The following SLC20A2 variants were observed in gnomAD, a reference collection of about 807,000 sequenced individuals.
The protein encoded by SLC20A2 is solute carrier family 20 member 2, also known as sodium-dependent phosphate transporter 2.
A neutral mutation model predicts 61.0 loss-of-function variants in SLC20A2; 30 were observed. The ratio of observed to expected loss-of-function variants is 0.49; its 90% CI spans 0.37 to 0.67. The LOEUF is 0.67. SLC20A2 is among the 30% of genes least tolerant of loss of function. SLC20A2 has a pLI of 0.00. For synonymous variants in SLC20A2, 351 were observed against 353.3 expected, an observed-to-expected ratio of 0.99 and a Z score of 0.07; for missense variants, 626 against 866.4, an observed-to-expected ratio of 0.72 and a Z score of 3.48.
At chr8:42,439,824 C>T (rs1365746975) in intron 6 of SLC20A2, among the ~76,000 whole-genome samples, 171 bp from the exon 7 acceptor site, 1 of 151,970 alleles carries the variant, frequency 6.6e-6, no homozygotes, top group Non-Finnish European at 1.5e-5. Context: ...TGGTGGCTCA[C>T]ACCTGTAATC....
intron 1 of SLC20A2, among the ~76,000 whole-genome samples, chr8:42,486,551 G>A (rs1311583555): frequency 6.6e-6 from 1 of 152,204 alleles, no homozygotes. Flanking sequence ...TATTTATGTG[G>A]CAGTGTTTTT....
intron 1 of SLC20A2, among the ~76,000 whole-genome samples, chr8:42,497,604 T>C (rs1442558572): frequency 6.6e-6 from 1 of 152,152 alleles, no homozygotes; most frequent in East Asian, 1.9e-4. Context: ...GACACACATA[T>C]ACTTGAAGAA....
chr8:42,518,857 G>C (rs906959567), intron 1 of SLC20A2, among the ~76,000 whole-genome samples: 3 of 152,038 alleles, frequency 2.0e-5, no homozygotes, highest in Non-Finnish European at 2.9e-5. Flanking sequence ...CACTGTTTTG[G>C]GTATTTGATT....
intron 1 of SLC20A2, among the ~76,000 whole-genome samples, chr8:42,524,925 A>G (rs1811827291): frequency 6.6e-6 from 1 of 152,224 alleles, no homozygotes; most frequent in Non-Finnish European, 1.5e-5. Flanking sequence ...CTCACCTAAT[A>G]AAAAGTTTCC....
chr8:42,539,315 C>G (rs566236831), intron 1 of SLC20A2, among the ~76,000 whole-genome samples: 1 of 152,180 alleles, frequency 6.6e-6, no homozygotes, highest in Admixed American at 6.5e-5. Flanking sequence ...TTAAACCCTA[C>G]GCTCATCTCG....
intron 1 of SLC20A2, among the ~76,000 whole-genome samples, chr8:42,473,493 C>G (rs532509296): frequency 2.7e-4 from 41 of 152,242 alleles, no homozygotes; most frequent in Middle Eastern, 3.4e-3. Flanking sequence ...AATCTTCCCC[C>G]ACAGCTGCAC....
chr8:42,505,158 G>C (rs1047247154), upstream of SLC20A2, among the ~76,000 whole-genome samples: 12 of 151,258 alleles, frequency 7.9e-5, no homozygotes, highest in Non-Finnish European at 1.8e-4. Context: ...GCCCAGCCTG[G>C]AGTGCAGTGA....
chr8:42,456,361 C>T, intron 5 of SLC20A2, among the ~76,000 whole-genome samples: 1 of 152,160 alleles, frequency 6.6e-6, no homozygotes, highest in East Asian at 1.9e-4. Flanking sequence ...TCTCTTAAGT[C>T]AGCAACCTGG....
At chr8:42,452,183 TAGG>T (rs756749180) in intron 5 of SLC20A2, among the ~76,000 whole-genome samples, 1 of 56,976 alleles carries the variant, frequency 1.8e-5, no homozygotes, top group Non-Finnish European at 3.3e-5. Context: ...GAGGAAGAGA[TAGG>T]AGGAGGAGGA....
chr8:42,532,832 G>A (rs1213875336), intron 1 of SLC20A2, among the ~76,000 whole-genome samples: 1 of 152,190 alleles, frequency 6.6e-6, no homozygotes, highest in Non-Finnish European at 1.5e-5. Flanking sequence ...ACAGGCGAGG[G>A]TGAAGTGGCA....
intron 5 of SLC20A2, among the ~76,000 whole-genome samples, chr8:42,458,946 C>G (rs191673780): frequency 5.0e-5 from 7 of 139,788 alleles, no homozygotes; most frequent in Admixed American, 2.9e-4. Context: ...TTTAACCCCC[C>G]CCCCCACAAA....
intron 1 of SLC20A2, among the ~76,000 whole-genome samples, chr8:42,512,598 AC>A (rs1811093730): frequency 6.6e-6 from 1 of 152,118 alleles, no homozygotes; most frequent in African/African-American, 2.4e-5. Flanking sequence ...TGATCTGGCC[AC>A]CTTGGCCTCC....
rs1478284584 is a variant in SLC20A2 at position 42,430,928 on chromosome 8, GTGTGTTCTC to G, written c.1524-688_1524-680del. ...GGTGAGCTTCACTGATAAATGCTGT[GTGTGTTCTC>G]CCTGCTCCACTGACCGGCCACTGCC... On this transcript the variant is annotated intron_variant, in intron 8 of 10. Coordinates refer to ENST00000520262, the MANE Select transcript of SLC20A2 (RefSeq NM_001257180.2). Among the ~76,000 whole-genome samples the G allele has an allele frequency of 2.0e-5, 3 of 152,150 alleles. 1 individual carries two copies. The highest frequency in any genetic ancestry group is 2.0e-4 in the Admixed American group (3 of 15,262).
chr8:42,454,801 C>T (rs1466470721), intron 5 of SLC20A2, among the ~76,000 whole-genome samples: 2 of 151,998 alleles, frequency 1.3e-5, no homozygotes, highest in Non-Finnish European at 2.9e-5. Flanking sequence ...GAACACCTGG[C>T]TTCAAGTGAT....
intron 1 of SLC20A2, among the ~76,000 whole-genome samples, chr8:42,492,275 G>C (rs887707276): frequency 1.3e-5 from 2 of 152,172 alleles, no homozygotes; most frequent in Admixed American, 6.5e-5. Context: ...AGAATTGCTT[G>C]AACCCAGGAG....
chr8:42,438,143 T>C (rs1037150865), intron 7 of SLC20A2, among the ~76,000 whole-genome samples: 4 of 143,258 alleles, frequency 2.8e-5, no homozygotes, highest in African/African-American at 7.6e-5. Context: ...TTTCAAAACA[T>C]CTTAAGTTCT....
At chr8:42,449,707 C>T (rs1193293605) in intron 5 of SLC20A2, among the ~76,000 whole-genome samples, 1 of 152,156 alleles carries the variant, frequency 6.6e-6, no homozygotes, top group African/African-American at 2.4e-5. Flanking sequence ...ATCAGCAGTA[C>T]CTACAAAATT....
chr8:42,440,932 C>T (rs1479307447), intron 6 of SLC20A2, among the ~76,000 whole-genome samples: 2 of 152,150 alleles, frequency 1.3e-5, no homozygotes. Context: ...TCCCGAGTAG[C>T]TGGGACTACA....
At chr8:42,456,471 C>T (rs1806202498) in intron 5 of SLC20A2, among the ~76,000 whole-genome samples, 1 of 152,146 alleles carries the variant, frequency 6.6e-6, no homozygotes, top group Admixed American at 6.6e-5. Context: ...TGCAGTGGCT[C>T]ATGCCTGTAA....
Sources: allele counts gnomAD v4.1 joint callset (sites outside exome capture counted in the v4.1 genomes callset), GRCh38; gene constraint gnomAD v4.1.1; transcripts MANE v1.5; gene names NCBI Gene and HGNC (gene_info 2026-07-23, HGNC 2026-07-21).